LHFPL3: variants seen among roughly 807,000 people sequenced by gnomAD.
LHFPL3 encodes the protein LHFPL tetraspan subfamily member 3, also known as LHFPL tetraspan subfamily member 3 protein.
Under a neutral mutation model 19.3 loss-of-function variants are expected in LHFPL3, and 5 were observed. That is an observed-to-expected ratio of 0.26 (90% CI 0.14 to 0.54). The LOEUF (loss-of-function observed/expected upper bound fraction) is 0.54, where lower values mean the gene tolerates loss of function less well. LHFPL3 is among the 20% of genes least tolerant of loss of function. LHFPL3 has a pLI of 0.94. For synonymous variants in LHFPL3, 133 were observed against 126.2 expected (o/e 1.05, Z -0.36); for missense variants, 249 against 307.4 (o/e 0.81, Z 1.42).
chr7:104,713,281 T>C (rs1217695566), intron 1 of LHFPL3, among the ~76,000 whole-genome samples: 1 of 152,242 alleles, frequency 6.6e-6, no homozygotes, highest in Non-Finnish European at 1.5e-5. Context: ...TCTAGCACTT[T>C]ATTAAATGTT....
intron 1 of LHFPL3, among the ~76,000 whole-genome samples, chr7:104,677,998 G>T (rs1792624563): frequency 6.6e-6 from 1 of 152,170 alleles, no homozygotes; most frequent in Admixed American, 6.5e-5. Flanking sequence ...ACCAGACCTT[G>T]TTTGATGCAA....
chr7:104,593,054 T>A (rs1186752727), intron 1 of LHFPL3, among the ~76,000 whole-genome samples: 1 of 152,226 alleles, frequency 6.6e-6, no homozygotes, highest in African/African-American at 2.4e-5. Context: ...TCTGCTCTGA[T>A]CTTAGTTATT....
intron 1 of LHFPL3, among the ~76,000 whole-genome samples, chr7:104,570,380 T>C (rs1380034304): frequency 6.6e-6 from 1 of 152,214 alleles, no homozygotes; most frequent in African/African-American, 2.4e-5. Context: ...AGAATGACCT[T>C]CAATAGTGGA....
At chr7:104,845,454 G>A in intron 2 of LHFPL3, 2 of 1,534,768 alleles carry the variant, frequency 1.3e-6, no homozygotes, top group Non-Finnish European at 1.7e-6. Context: ...GGCTTTGTGG[G>A]TTCAGCTCTG....
rs558812485 is a variant in LHFPL3 at position 104,489,325 on chromosome 7, C to T, written c.445+160101C>T. Among the ~76,000 whole-genome samples the T allele has an allele frequency of 5.2e-3, 191 of 36,736 alleles. 55 individuals carry two copies. The highest frequency in any genetic ancestry group is 0.012 in the African/African-American group (184 of 15,342). The allele number at this position is 36,736 out of a possible 152,430, so 24.1% of individuals were successfully genotyped here. A position where few individuals can be genotyped will look rare whatever the true frequency, so the allele number is the denominator to read the frequency against. ...GTCTCGATCTCCTGACCTCGTGATC[C>T]GCCCGCCTCGGCCTCCCAAAGTGGT... On this transcript the variant is annotated intron_variant, in intron 1 of 2. Transcript: ENST00000424859.
intron 2 of LHFPL3, among the ~76,000 whole-genome samples, chr7:104,862,330 A>G (rs1373339019): frequency 1.3e-5 from 2 of 152,162 alleles, no homozygotes; most frequent in African/African-American, 2.4e-5. Flanking sequence ...AGTGGACTTG[A>G]AAAGAACTAA....
intron 1 of LHFPL3, among the ~76,000 whole-genome samples, chr7:104,352,247 T>C (rs1419899062): frequency 1.3e-5 from 2 of 151,866 alleles, no homozygotes; most frequent in East Asian, 1.9e-4. Flanking sequence ...ATGTAAATTA[T>C]TACTATTATA....
chr7:104,823,924 T>A (rs1441288978), intron 2 of LHFPL3, among the ~76,000 whole-genome samples: 1 of 151,400 alleles, frequency 6.6e-6, no homozygotes, highest in East Asian at 2.0e-4. Flanking sequence ...AACGGGTGGA[T>A]CACTTGAGGT....
chr7:104,623,936 G>A (rs536232558), intron 1 of LHFPL3, among the ~76,000 whole-genome samples: 128 of 152,258 alleles, frequency 8.4e-4, no homozygotes, highest in African/African-American at 3.0e-3. Context: ...AAATAAAGTG[G>A]TTTTGTTGTG....
chr7:104,635,098 A>G (rs758763942), intron 1 of LHFPL3, among the ~76,000 whole-genome samples: 7 of 152,206 alleles, frequency 4.6e-5, no homozygotes, highest in Non-Finnish European at 1.0e-4. Flanking sequence ...GACATTTAAA[A>G]TTGTGCAGCC....
chr7:104,799,393 T>C (rs1176092278), intron 2 of LHFPL3: 2 of 152,156 alleles, frequency 1.3e-5, no homozygotes, highest in African/African-American at 4.8e-5. Context: ...GTGCAGCACA[T>C]TCACATACAG....
intron 2 of LHFPL3, among the ~76,000 whole-genome samples, chr7:104,824,701 A>G (rs1435737462): frequency 9.9e-6 from 1 of 100,592 alleles, no homozygotes; most frequent in Non-Finnish European, 1.8e-5. Context: ...TATTATATAT[A>G]TTATATATAT....
Position 104,412,172 on chromosome 7 carries a change from G to C in LHFPL3, c.445+82948G>C, listed in dbSNP as rs192983898. Among the ~76,000 whole-genome samples the C allele has an allele frequency of 9.6e-5, 14 of 146,074 alleles. No individual in the cohort carries two copies. The East Asian group carries it at 1.4e-3, about 14-fold the overall frequency. ...TGGAAAGTATTTAGTATACTTTTAA[G>C]TGCTGTATTATGTCCTTTAAGTATA... On this transcript the variant is annotated intron_variant, in intron 1 of 2. Coordinates refer to ENST00000424859, the MANE Select transcript of LHFPL3 (RefSeq NM_199000.3).
In LHFPL3 at chr7:104,508,230, C is replaced by G. The variant is rs1307989107; in HGVS notation, c.445+179006C>G. On this transcript the variant is annotated intron_variant, in intron 1 of 2. Transcript: ENST00000424859. ...AACCCAAATGTCCAACAATGATAGACTGGATTAAGAAAATGTGGCACATAT... is the reference window on the plus strand; with the variant it reads ...AACCCAAATGTCCAACAATGATAGAGTGGATTAAGAAAATGTGGCACATAT... 4.3e-4 allele frequency among the ~76,000 whole-genome samples: 66 copies of G among 152,040 alleles called. 1 individual carries two copies. The highest frequency in any genetic ancestry group is 8.4e-4 in the Non-Finnish European group (57 of 67,988).
chr7:104,618,981 A>G (rs966034131), intron 1 of LHFPL3, among the ~76,000 whole-genome samples: 4 of 152,146 alleles, frequency 2.6e-5, no homozygotes, highest in African/African-American at 4.8e-5. Flanking sequence ...TTTATCCCCT[A>G]CGTACTAACT....
chr7:104,462,133 A>G (rs958230203), intron 1 of LHFPL3, among the ~76,000 whole-genome samples: 9 of 152,230 alleles, frequency 5.9e-5, no homozygotes, highest in African/African-American at 2.2e-4. Context: ...CAGCTGAAAG[A>G]GCTTTTAAGC....
At chr7:104,744,640 A>C (rs553583502) in intron 2 of LHFPL3, among the ~76,000 whole-genome samples, 1 of 152,310 alleles carries the variant, frequency 6.6e-6, no homozygotes, top group South Asian at 2.1e-4. Flanking sequence ...TTTTCACCTC[A>C]GAATTTCACA....
chr7:104,604,336 G>A (rs1791047608), intron 1 of LHFPL3, among the ~76,000 whole-genome samples: 1 of 152,164 alleles, frequency 6.6e-6, no homozygotes, highest in South Asian at 2.1e-4. Context: ...CAAAACCAGG[G>A]AGGGCACCCT....
rs189573922 is a variant in LHFPL3, at chr7:104,479,237, A to G, written c.445+150013A>G. ...TCATAGTCAGTGCTAACATACAAAC[A>G]CTAACAACTTTCATAGGATTTATTG... is the stretch of plus-strand genomic sequence containing the variant. On this transcript the variant is annotated intron_variant, in intron 1 of 2. Coordinates refer to ENST00000424859, the MANE Select transcript of LHFPL3 (RefSeq NM_199000.3). Among the ~76,000 whole-genome samples the G allele has an allele frequency of 1.1e-4, 16 of 152,244 alleles. No individual in the cohort carries two copies. The East Asian group carries it at 2.9e-3, about 28-fold the overall frequency.
Sources: gnomAD v4.1 joint callset for allele counts (sites outside exome capture counted in the v4.1 genomes callset) on GRCh38, gnomAD v4.1.1 for gene constraint, MANE v1.5 for transcripts, NCBI Gene and HGNC (gene_info 2026-07-23, HGNC 2026-07-21) for gene names.